The following CNTN5 variants were observed in gnomAD, a reference collection of about 807,000 sequenced individuals.
CNTN5 encodes the protein contactin 5, also known as contactin-5.
Under a neutral mutation model 129.1 loss-of-function variants are expected in CNTN5, and 77 were observed. The observed-to-expected ratio is 0.60, with a 90% CI of 0.50 to 0.72. The LOEUF is 0.72. Ranked by LOEUF, CNTN5 falls within the 30% of genes least tolerant of loss-of-function variation. The pLI is 0.00. For synonymous variants in CNTN5, 509 were observed against 465.6 expected (o/e 1.09, Z -1.20); for missense variants, 1,478 against 1,328.8 (o/e 1.11, Z -1.75).
intron 2 of CNTN5, among the ~76,000 whole-genome samples, chr11:99,526,502 T>G (rs1398922265): frequency 6.6e-6 from 1 of 152,216 alleles, no homozygotes; most frequent in Non-Finnish European, 1.5e-5. Context: ...CAGGGATTTT[T>G]TTGTATTCCT....
chr11:99,822,931 A>G (rs1946846051), intron 4 of CNTN5, among the ~76,000 whole-genome samples: 1 of 152,204 alleles, frequency 6.6e-6, no homozygotes, highest in Admixed American at 6.5e-5. Context: ...GCTCATATTA[A>G]TGGAAGTCAG....
At chr11:99,434,803 A>G (rs1384147884) in intron 2 of CNTN5, among the ~76,000 whole-genome samples, 1 of 152,216 alleles carries the variant, frequency 6.6e-6, no homozygotes, top group African/African-American at 2.4e-5. Flanking sequence ...ATATATTTAG[A>G]AGACTCCTAT....
chr11:100,042,031 G>A (rs763679089), intron 9 of CNTN5, among the ~76,000 whole-genome samples: 6 of 152,066 alleles, frequency 3.9e-5, no homozygotes, highest in Non-Finnish European at 7.4e-5. Flanking sequence ...TAATCATTTG[G>A]AGACTGCGAC....
chr11:99,213,367 TATATATG>T (rs1859924271), intron 1 of CNTN5, among the ~76,000 whole-genome samples: 1 of 142,680 alleles, frequency 7.0e-6, no homozygotes. Flanking sequence ...TGTATATATG[TATATATG>T]TATATACATA....
rs1945889028 is a variant in CNTN5, at chr11:99,488,156, GAAGTT to G, written c.-70-67988_-70-67984del. Among the ~76,000 whole-genome samples, 4 of 123,664 alleles carry G rather than the reference GAAGTT, an allele frequency of 3.2e-5. No individual in the cohort carries two copies. In the Admixed American group the frequency reaches 4.3e-4, roughly 13 times the overall value. 81.1% of individuals were successfully genotyped at this position (123,664 alleles called of 152,430 possible). On this transcript the variant is annotated intron_variant, in intron 2 of 24. Transcript: ENST00000524871. ...AAGAATCTCTTCTAAGAATCTCCAA[GAAGTT>G]TTTTTTTTTTTTTTTTTTTCCTCTT...
intron 1 of CNTN5, among the ~76,000 whole-genome samples, chr11:99,024,586 A>C: frequency 6.6e-6 from 1 of 152,098 alleles, no homozygotes; most frequent in East Asian, 1.9e-4. Flanking sequence ...ATCCCCATAA[A>C]TTAAAACACA....
At chr11:99,957,053 G>A (rs1457068196) in intron 8 of CNTN5, 44 bp downstream of exon 8, 5 of 1,533,364 alleles carry the variant, frequency 3.3e-6, no homozygotes, top group Non-Finnish European at 4.5e-6. Context: ...ACTCTAATTT[G>A]GAAAATAAAG....
rs562248186 is a variant in CNTN5 at position 100,088,737 on chromosome 11, A to G, written c.1580+14443A>G. Among the ~76,000 whole-genome samples the G allele has an allele frequency of 3.3e-5, 5 of 152,224 alleles. No individual in the cohort carries two copies. The South Asian group carries it at 8.3e-4, about 25-fold the overall frequency. The stretch of plus-strand genomic sequence containing the variant: ...CAGTATCCAGTTCCAAAATGCAATC[A>G]GTAATAAAAACCTACCAACCAAAAA... On this transcript the variant is annotated intron_variant, in intron 13 of 24. Transcript: ENST00000524871.
At position 99,294,028 on chromosome 11, in the gene CNTN5, T is replaced by C. The variant is rs548230941; in HGVS notation, c.-209-31318T>C. On this transcript the variant is annotated intron_variant, in intron 1 of 24. Transcript: ENST00000524871. Reference sequence around the variant, plus strand: ...TAGGCTGTTTATTTGAAGTCTTTTTTTATACTGTAAGCATTTACTGCTATA... The same window carrying C: ...TAGGCTGTTTATTTGAAGTCTTTTTCTATACTGTAAGCATTTACTGCTATA... 1.1e-3 allele frequency among the ~76,000 whole-genome samples: 162 copies of C among 152,234 alleles called. 2 individuals are homozygous for C. Among genetic ancestry groups the C allele is most frequent in the Admixed American group, 1.4e-3 (21 of 15,290 alleles).
chr11:99,076,842 T>A (rs532700255), intron 1 of CNTN5, among the ~76,000 whole-genome samples: 24 of 152,296 alleles, frequency 1.6e-4, no homozygotes, highest in African/African-American at 5.8e-4. Flanking sequence ...TGGAAACACA[T>A]CAGGGAAAAT....
At chr11:99,705,520 G>T (rs1388090123) in intron 3 of CNTN5, among the ~76,000 whole-genome samples, 1 of 151,304 alleles carries the variant, frequency 6.6e-6, no homozygotes, top group Non-Finnish European at 1.5e-5. Flanking sequence ...GTACTTGGTT[G>T]GTTATTAGAA....
chr11:99,537,596 A>G (rs1436380192), intron 2 of CNTN5, among the ~76,000 whole-genome samples: 7 of 152,170 alleles, frequency 4.6e-5, no homozygotes, highest in African/African-American at 1.4e-4. Context: ...CATTCTCTTT[A>G]AAAATACAAC....
intron 3 of CNTN5, among the ~76,000 whole-genome samples, chr11:99,734,634 A>G (rs60661469): frequency 0.054 from 8,273 of 152,080 alleles, 339 homozygotes; most frequent in East Asian, 0.18. Flanking sequence ...TTTGTTTTCC[A>G]TACGTAGTCG....
At chr11:100,111,335 C>T (rs1035257805) in intron 13 of CNTN5, among the ~76,000 whole-genome samples, 8 of 152,038 alleles carry the variant, frequency 5.3e-5, no homozygotes, top group Non-Finnish European at 8.8e-5. Flanking sequence ...GACAGAGAGT[C>T]TGAATGAAAC....
intron 21 of CNTN5, among the ~76,000 whole-genome samples, chr11:100,325,575 G>A (rs953707896): frequency 1.3e-5 from 2 of 152,108 alleles, no homozygotes; most frequent in African/African-American, 4.8e-5. Context: ...AATAGCCTCT[G>A]GCCCTTTATC....
intron 6 of CNTN5, among the ~76,000 whole-genome samples, chr11:99,889,907 C>T (rs1565643602): frequency 2.6e-5 from 4 of 152,056 alleles, no homozygotes. Context: ...AATAACTTAT[C>T]TAAAAATTAT....
chr11:99,708,197 G>A (rs1310048603), intron 3 of CNTN5, among the ~76,000 whole-genome samples: 1 of 151,418 alleles, frequency 6.6e-6, no homozygotes, highest in African/African-American at 2.4e-5. Flanking sequence ...GGAAATACAG[G>A]GAAAATATTA....
chr11:100,170,429 C>T (rs2138405010), intron 13 of CNTN5, among the ~76,000 whole-genome samples: 1 of 152,070 alleles, frequency 6.6e-6, no homozygotes, highest in East Asian at 2.0e-4. Flanking sequence ...TATCATATTT[C>T]TCCAAAACCT....
chr11:99,632,842 A>ATTTG (rs1951413250), intron 3 of CNTN5, among the ~76,000 whole-genome samples: 1 of 152,094 alleles, frequency 6.6e-6, no homozygotes, highest in African/African-American at 2.4e-5. Context: ...TATATTCAGA[A>ATTTG]GAGTTTTGTT....
Sources: gnomAD v4.1 joint callset for allele counts (sites outside exome capture counted in the v4.1 genomes callset) on GRCh38, gnomAD v4.1.1 for gene constraint, MANE v1.5 for transcripts, NCBI Gene and HGNC (gene_info 2026-07-23, HGNC 2026-07-21) for gene names.